SFMBT1: variants seen among roughly 807,000 people sequenced by gnomAD.
The protein encoded by SFMBT1 is Scm like with four mbt domains 1.
A neutral mutation model predicts 108.7 loss-of-function variants in SFMBT1; 32 were observed. The observed-to-expected ratio is 0.29, with a 90% CI of 0.22 to 0.40. The LOEUF (loss-of-function observed/expected upper bound fraction) is 0.40, where lower values mean the gene tolerates loss of function less well. Ranked by LOEUF, SFMBT1 falls within the 10% of genes least tolerant of loss-of-function variation. SFMBT1 has a pLI of 1.00. For missense variants in SFMBT1, 816 were observed against 1,059.6 expected (o/e 0.77, Z 3.19); for synonymous variants, 348 against 369.5 (o/e 0.94, Z 0.67).
intron 1 of SFMBT1, chr3:53,018,311 A>G (rs1430432385): frequency 2.0e-5 from 3 of 152,228 alleles, no homozygotes; most frequent in Non-Finnish European, 4.4e-5. Context: ...TTAGTTCTGC[A>G]GTACAATATG....
At chr3:53,027,074 T>C (rs2106951414) in intron 1 of SFMBT1, among the ~76,000 whole-genome samples, 1 of 152,310 alleles carries the variant, frequency 6.6e-6, no homozygotes, top group South Asian at 2.1e-4. Flanking sequence ...TGACCCACCA[T>C]GCCCAACAGG....
chr3:53,021,178 T>A (rs529598903), intron 1 of SFMBT1, among the ~76,000 whole-genome samples: 9 of 152,368 alleles, frequency 5.9e-5, no homozygotes, highest in Admixed American at 4.6e-4. Flanking sequence ...TTACACTCAG[T>A]ACATTTCTAA....
At chr3:52,922,928 G>A (rs907209720) in intron 10 of SFMBT1, among the ~76,000 whole-genome samples, 4 of 152,158 alleles carry the variant, frequency 2.6e-5, no homozygotes, top group Admixed American at 2.6e-4. Flanking sequence ...TACTTCTTAT[G>A]GTGATATGAT....
chr3:52,918,188 T>C (rs1702417694), intron 13 of SFMBT1, among the ~76,000 whole-genome samples: 1 of 152,230 alleles, frequency 6.6e-6, no homozygotes, highest in Admixed American at 6.5e-5. Flanking sequence ...TTTTTGCTCT[T>C]CCTTAATGAA....
intron 5 of SFMBT1, 108 bp downstream of exon 5, chr3:52,934,704 TA>T: frequency 2.3e-6 from 2 of 883,410 alleles, no homozygotes; most frequent in Non-Finnish European, 3.4e-6. Flanking sequence ...CCTATGTCTC[TA>T]ATAATAACGT....
rs761894533 is a variant in SFMBT1, at chr3:52,912,493, T to TA, written c.1730+44dup. 2.6e-6 allele frequency: 4 copies of TA among 1,541,882 alleles called. No individual in the cohort carries two copies. In the East Asian group the frequency reaches 6.8e-5, roughly 26 times the overall value. ...GTGCCACGCCGATTCTGTGACTTTT[T>TA]AAAGACAAGTAAAAGTAAAGAGTAA... On this transcript the variant is annotated intron_variant, in intron 16 of 20. Transcript: ENST00000394752.
At chr3:52,982,558 G>A (rs750411761) in intron 1 of SFMBT1, among the ~76,000 whole-genome samples, 12 of 151,698 alleles carry the variant, frequency 7.9e-5, no homozygotes, top group Non-Finnish European at 1.6e-4. Context: ...GTGAAACGTC[G>A]TCTCTATTAA....
chr3:52,910,896 A>T, intron 17 of SFMBT1, 107 bp downstream of exon 17: 1 of 894,760 alleles, frequency 1.1e-6, no homozygotes, highest in Non-Finnish European at 1.8e-6. Flanking sequence ...TTACAGAAGA[A>T]GTTCGTGTGC....
intron 15 of SFMBT1, among the ~76,000 whole-genome samples, chr3:52,913,130 G>T (rs758177493): frequency 9.2e-5 from 14 of 152,222 alleles, no homozygotes; most frequent in Non-Finnish European, 1.5e-4. Context: ...AAGCCCAGCA[G>T]ATGTGTAGCT....
At chr3:52,912,478 G>A (rs1200352606) in intron 16 of SFMBT1, 60 bp downstream of exon 16, 10 of 1,463,996 alleles carry the variant, frequency 6.8e-6, no homozygotes, top group South Asian at 3.4e-5. Context: ...GTGCCACGCC[G>A]ATTCTGTGAC....
At chr3:52,928,945 T>C (rs1250431906) in intron 8 of SFMBT1, among the ~76,000 whole-genome samples, 2 of 151,704 alleles carry the variant, frequency 1.3e-5, no homozygotes, top group Non-Finnish European at 2.9e-5. Context: ...GCTCAAGCAA[T>C]CCTCCTGCCT....
chr3:53,034,316 C>T (rs940449422), intron 1 of SFMBT1, among the ~76,000 whole-genome samples: 1 of 152,166 alleles, frequency 6.6e-6, no homozygotes, highest in Non-Finnish European at 1.5e-5. Flanking sequence ...GTAGCTCATG[C>T]GTATAATCCC....
At chr3:52,932,004 G>C in intron 6 of SFMBT1, 58 bp downstream of exon 6, 1 of 1,555,808 alleles carries the variant, frequency 6.4e-7, no homozygotes. Flanking sequence ...CAGCCTCATA[G>C]ATATTAATAA....
intron 1 of SFMBT1, among the ~76,000 whole-genome samples, chr3:52,995,696 A>G (rs549093897): frequency 6.7e-6 from 1 of 150,320 alleles, no homozygotes; most frequent in African/African-American, 2.4e-5. Context: ...TATTGCACCC[A>G]GCCTGGCAAA....
chr3:53,000,192 C>T (rs1287088051), intron 1 of SFMBT1, among the ~76,000 whole-genome samples: 1 of 149,478 alleles, frequency 6.7e-6, no homozygotes, highest in African/African-American at 2.4e-5. Flanking sequence ...TTTTTATTTA[C>T]TCACTGCTTT....
intron 10 of SFMBT1, among the ~76,000 whole-genome samples, chr3:52,922,720 A>G (rs779994897): frequency 7.2e-5 from 11 of 152,224 alleles, no homozygotes; most frequent in Non-Finnish European, 1.3e-4. Flanking sequence ...GACTCCATGC[A>G]TTAGGGAAAC....
Position 52,943,530 on chromosome 3 carries a change from C to A in SFMBT1, c.187G>T (p.Asp63Tyr), listed in dbSNP as rs1309792929. ...GTGGCAACCCAGTAGGTCTCAGGATCTGTTCTCACAGCCACCTCCAGCTTC... is the reference window on the plus strand; with the variant it reads ...GTGGCAACCCAGTAGGTCTCAGGATATGTTCTCACAGCCACCTCCAGCTTC... Reference protein sequence around the residue: ...GMKLEVAVRTDPETYWVATVI... With the variant: ...GMKLEVAVRTYPETYWVATVI... The change falls in exon 4 of 21, where the codon GAT (aspartate) becomes TAT (tyrosine). Residue 63 changes from aspartate (D) to tyrosine (Y), a missense_variant. Physicochemically the swap from Asp to Tyr is radical, Grantham distance 160. Coordinates refer to ENST00000394752, the MANE Select transcript of SFMBT1 (RefSeq NM_016329.4). The A allele has an allele frequency of 6.2e-7, 1 of 1,614,186 alleles. No homozygotes were observed. The highest frequency in any genetic ancestry group is 8.5e-7 in the Non-Finnish European group (1 of 1,180,020).
chr3:52,945,580 G>A (rs937343028), intron 3 of SFMBT1, among the ~76,000 whole-genome samples: 9 of 152,044 alleles, frequency 5.9e-5, no homozygotes, highest in Non-Finnish European at 1.0e-4. Context: ...GGCCGAGGCA[G>A]GTGGATCACG....
intron 13 of SFMBT1, 95 bp from the exon 14 acceptor site, chr3:52,916,309 GT>G: frequency 9.0e-7 from 1 of 1,111,672 alleles, no homozygotes; most frequent in South Asian, 1.4e-5. Flanking sequence ...GAAAGCAAAT[GT>G]GGCATGTTCG....
Sources: gnomAD v4.1 joint callset for allele counts (sites outside exome capture counted in the v4.1 genomes callset) on GRCh38, gnomAD v4.1.1 for gene constraint, MANE v1.5 for transcripts, NCBI Gene and HGNC (gene_info 2026-07-23, HGNC 2026-07-21) for gene names.